The following KLRG1 variants were observed in gnomAD, a reference collection of about 807,000 sequenced individuals.
The protein encoded by KLRG1 is killer cell lectin-like receptor subfamily G member 1.
Under a neutral mutation model 21.8 loss-of-function variants are expected in KLRG1, and 16 were observed. The observed-to-expected ratio is 0.73, with a 90% CI of 0.50 to 1.11. The LOEUF (loss-of-function observed/expected upper bound fraction) is 1.11, where lower values mean the gene tolerates loss of function less well. Ranked by LOEUF, KLRG1 falls within the 50% of genes most tolerant of loss-of-function variation. KLRG1 has a pLI of 0.00. For synonymous variants in KLRG1, 69 were observed against 75.9 expected (o/e 0.91, Z 0.47); for missense variants, 173 against 218.3 (o/e 0.79, Z 1.31).
chr12:9,034,303 C>T, the KLRG1 span, among the ~76,000 whole-genome samples: 5 of 152,172 alleles, frequency 3.3e-5, no homozygotes, highest in East Asian at 7.7e-4. Context: ...TCATTACTCA[C>T]GTGTTCGTGG....
the KLRG1 span, chr12:9,112,061 C>A: frequency 5.1e-5 from 57 of 1,116,908 alleles, 1 homozygote; most frequent in South Asian, 6.8e-4. Flanking sequence ...GTTAATGATA[C>A]CAGATTCTTC....
At chr12:9,101,428 C>T in the KLRG1 span, 245 of 1,599,128 alleles carry the variant, frequency 1.5e-4, no homozygotes, top group Admixed American at 2.9e-4. Context: ...GAAGTCAACG[C>T]AGTAACCTCC....
At chr12:9,122,963 T>A in the KLRG1 span, among the ~76,000 whole-genome samples, 1 of 152,136 alleles carries the variant, frequency 6.6e-6, no homozygotes, top group African/African-American at 2.4e-5. Context: ...TAACTATTTA[T>A]TAATTAGACA....
intron 1 of KLRG1, among the ~76,000 whole-genome samples, chr12:8,958,028 A>G (rs1250684057): frequency 6.6e-6 from 1 of 152,106 alleles, no homozygotes; most frequent in Non-Finnish European, 1.5e-5. Flanking sequence ...ATTTTCTTCT[A>G]AGAAGCCTTA....
chr12:9,198,503 A>G, the KLRG1 span, among the ~76,000 whole-genome samples: 4 of 152,170 alleles, frequency 2.6e-5, no homozygotes, highest in African/African-American at 9.7e-5. Context: ...ATCTAACACA[A>G]AATGCACAGA....
the KLRG1 span, chr12:9,149,585 C>T: frequency 6.2e-7 from 1 of 1,612,936 alleles, no homozygotes; most frequent in Non-Finnish European, 8.5e-7. Flanking sequence ...GCGATATACT[C>T]AGCAACCACA....
chr12:9,060,845 A>G, the KLRG1 span, among the ~76,000 whole-genome samples: 1 of 152,172 alleles, frequency 6.6e-6, no homozygotes, highest in African/African-American at 2.4e-5. Context: ...TCGTCACGTG[A>G]AGACTATCTT....
chr12:9,080,027 T>C, the KLRG1 span: 3 of 1,079,006 alleles, frequency 2.8e-6, no homozygotes, highest in African/African-American at 4.9e-5. Flanking sequence ...AGTAAATATT[T>C]ATGGGAAATA....
At chr12:9,110,448 T>G in the KLRG1 span, 1 of 558,848 alleles carries the variant, frequency 1.8e-6, no homozygotes, top group Non-Finnish European at 3.0e-6. Context: ...TAGTAAAAAA[T>G]AATTTAATTG....
chr12:8,954,166 G>A (rs984468888), intron 1 of KLRG1, among the ~76,000 whole-genome samples: 1 of 152,126 alleles, frequency 6.6e-6, no homozygotes, highest in African/African-American at 2.4e-5. Context: ...ATCATGCTGA[G>A]TGAAATAAGA....
the KLRG1 span, among the ~76,000 whole-genome samples, chr12:9,170,354 T>G: frequency 6.6e-6 from 1 of 152,166 alleles, no homozygotes; most frequent in Non-Finnish European, 1.5e-5. The surrounding 1 kb of genome is among the most constrained non-coding windows in gnomAD (Gnocchi z 4.6). Context: ...ATGTGGAGTC[T>G]TGGCAGAGCA....
chr12:9,160,161 G>T, the KLRG1 span: 1 of 1,122,784 alleles, frequency 8.9e-7, no homozygotes, highest in Non-Finnish European at 1.3e-6. Context: ...GAATGTTATG[G>T]ATAGATCAAA....
the KLRG1 span, among the ~76,000 whole-genome samples, chr12:9,020,837 C>T: frequency 6.6e-6 from 1 of 152,122 alleles, no homozygotes; most frequent in African/African-American, 2.4e-5. Context: ...TAGTTGAAAA[C>T]AAGGATGCCT....
the KLRG1 span, chr12:9,192,851 T>C: frequency 4.4e-6 from 3 of 684,876 alleles, no homozygotes; most frequent in African/African-American, 1.8e-5. Context: ...ACACTATGCC[T>C]CTCCCTCATA....
chr12:9,168,162 A>G, the KLRG1 span, among the ~76,000 whole-genome samples: 5 of 152,320 alleles, frequency 3.3e-5, no homozygotes, highest in Admixed American at 6.5e-5. Context: ...CAAGGTCTTG[A>G]AGAGCCATTA....
At chr12:9,112,587 T>C in the KLRG1 span, 550 of 1,603,138 alleles carry the variant, frequency 3.4e-4, 9 homozygotes, top group East Asian at 0.012. Context: ...GCAGGTCTCC[T>C]CCCCTATTTG....
chr12:8,960,066 A>G (rs1412431963), intron 1 of KLRG1, among the ~76,000 whole-genome samples: 1 of 152,218 alleles, frequency 6.6e-6, no homozygotes, highest in Non-Finnish European at 1.5e-5. Context: ...CTGGGAAAAT[A>G]TATGGAACAA....
chr12:9,037,215 G>A, the KLRG1 span: 2 of 155,340 alleles, frequency 1.3e-5, no homozygotes, highest in Admixed American at 6.5e-5. Flanking sequence ...CCAAAGACTT[G>A]GGTTTGTCCT....
At chr12:9,180,986 G>A in the KLRG1 span, 1 of 1,613,140 alleles carries the variant, frequency 6.2e-7, no homozygotes, top group African/African-American at 1.3e-5. Context: ...AACTCACTGA[G>A]GACACAGAGA....
Sources: allele counts gnomAD v4.1 joint callset (sites outside exome capture counted in the v4.1 genomes callset), GRCh38; gene constraint gnomAD v4.1.1; non-coding constraint Gnocchi (gnomAD v3.1); transcripts MANE v1.5; gene names NCBI Gene and HGNC (gene_info 2026-07-23, HGNC 2026-07-21).